The following ZRANB3 variants were observed in gnomAD, a reference collection of about 807,000 sequenced individuals.
ZRANB3 encodes DNA annealing helicase and endonuclease ZRANB3.
In ZRANB3, 125 loss-of-function variants were observed where a neutral mutation model predicts 133.8. That is an observed-to-expected ratio of 0.93 (90% CI 0.81 to 1.08). The LOEUF (loss-of-function observed/expected upper bound fraction) is 1.08, where lower values mean the gene tolerates loss of function less well. Ranked by LOEUF, ZRANB3 falls within the 50% of genes least tolerant of loss-of-function variation. The probability of loss-of-function intolerance (pLI) is 0.00; values close to 1 mark genes in which losing one functional copy is unlikely to be tolerated. For missense variants in ZRANB3, 1,229 were observed against 1,275.5 expected, an observed-to-expected ratio of 0.96 and a Z score of 0.56; for synonymous variants, 387 against 432.7, an observed-to-expected ratio of 0.89 and a Z score of 1.31.
chr2:135,237,817 G>A (rs946286394), intron 12 of ZRANB3, among the ~76,000 whole-genome samples: 1 of 152,116 alleles, frequency 6.6e-6, no homozygotes, highest in African/African-American at 2.4e-5. Context: ...GGGAGGGATA[G>A]CATTAGGAGA....
intron 3 of ZRANB3, among the ~76,000 whole-genome samples, chr2:135,377,928 T>C (rs553439457): frequency 6.6e-6 from 1 of 152,274 alleles, no homozygotes; most frequent in African/African-American, 2.4e-5. Flanking sequence ...GGCTAGAATA[T>C]AAGCAGGCAG....
intron 3 of ZRANB3, among the ~76,000 whole-genome samples, chr2:135,385,956 C>T (rs965474330): frequency 6.6e-6 from 1 of 152,054 alleles, no homozygotes; most frequent in Non-Finnish European, 1.5e-5. Flanking sequence ...ACTAAAACAC[C>T]AAAAGCAATG....
In ZRANB3 at chr2:135,299,360, C is replaced by T. The variant is rs567885287; in HGVS notation, c.966+14129G>A. ...CCAGTCTCACTCCCACTGTGCTCCACGGAAAGCACTGAGTTTACATCCAGG... is the reference window on the plus strand; with the variant it reads ...CCAGTCTCACTCCCACTGTGCTCCATGGAAAGCACTGAGTTTACATCCAGG... On this transcript the variant is annotated intron_variant, in intron 8 of 20. Coordinates refer to ENST00000264159, the MANE Select transcript of ZRANB3 (RefSeq NM_032143.4). Among the ~76,000 whole-genome samples the T allele has an allele frequency of 2.3e-4, 35 of 152,312 alleles. No homozygotes were observed. In the South Asian group the frequency reaches 5.8e-3, roughly 25 times the overall value.
chr2:135,317,551 C>A (rs914934814), intron 6 of ZRANB3, among the ~76,000 whole-genome samples: 1 of 152,200 alleles, frequency 6.6e-6, no homozygotes, highest in African/African-American at 2.4e-5. Context: ...AAAGACAACA[C>A]ACAATTGTCT....
chr2:135,233,482 A>G (rs985453762), intron 12 of ZRANB3, among the ~76,000 whole-genome samples: 1 of 152,112 alleles, frequency 6.6e-6, no homozygotes, highest in Non-Finnish European at 1.5e-5. Context: ...ACTCCAAGAC[A>G]TACAATCGTC....
intron 2 of ZRANB3, among the ~76,000 whole-genome samples, chr2:135,492,140 A>G (rs1195149776): frequency 6.6e-6 from 1 of 152,194 alleles, no homozygotes; most frequent in Non-Finnish European, 1.5e-5. Context: ...TGATCATATA[A>G]TAACATATTT....
chr2:135,233,555 T>A (rs1233038282), intron 12 of ZRANB3, among the ~76,000 whole-genome samples: 1 of 152,058 alleles, frequency 6.6e-6, no homozygotes, highest in Non-Finnish European at 1.5e-5. Flanking sequence ...AAGCTCGGGT[T>A]ACCCACAAAG....
At chr2:135,221,103 T>G (rs1164525981) in intron 15 of ZRANB3, among the ~76,000 whole-genome samples, 1 of 152,066 alleles carries the variant, frequency 6.6e-6, no homozygotes, top group Non-Finnish European at 1.5e-5. Context: ...GTGATCCGCC[T>G]GCCTCGGCCT....
At chr2:135,216,811 T>C (rs1012222642) in intron 17 of ZRANB3, among the ~76,000 whole-genome samples, 1 of 152,102 alleles carries the variant, frequency 6.6e-6, no homozygotes, top group Non-Finnish European at 1.5e-5. Flanking sequence ...CCTTGCTTCA[T>C]GCTAAGAAAA....
In ZRANB3 at chr2:135,269,755, G is replaced by T. The variant is rs111339746; in HGVS notation, c.1207-614C>A. 1.0e-3 allele frequency among the ~76,000 whole-genome samples: 154 copies of T among 152,184 alleles called. 1 individual carries two copies. The highest frequency in any genetic ancestry group is 3.6e-3 in the African/African-American group (149 of 41,524). Reference sequence around the variant, plus strand: ...CTTTATAATCAATATATGAAATAATGCAAAATCCTCAAACTAAAAAATGTG... The same window carrying T: ...CTTTATAATCAATATATGAAATAATTCAAAATCCTCAAACTAAAAAATGTG... On this transcript the variant is annotated intron_variant, in intron 10 of 20. Coordinates refer to ENST00000264159, the MANE Select transcript of ZRANB3 (RefSeq NM_032143.4).
chr2:135,521,796 C>T (rs540876386), intron 1 of ZRANB3, among the ~76,000 whole-genome samples: 2 of 152,086 alleles, frequency 1.3e-5, no homozygotes, highest in East Asian at 1.9e-4. Flanking sequence ...GTATGGTACA[C>T]CTTACTTAAA....
chr2:135,445,218 T>C (rs142546495), intron 2 of ZRANB3, among the ~76,000 whole-genome samples: 1,580 of 152,042 alleles, frequency 0.01, 25 homozygotes, highest in African/African-American at 0.036. Context: ...CTGAGGCAGA[T>C]GGATCACTTG....
chr2:135,445,494 C>T (rs538704622), intron 2 of ZRANB3, among the ~76,000 whole-genome samples: 3 of 151,942 alleles, frequency 2.0e-5, no homozygotes, highest in East Asian at 1.9e-4. Context: ...GTAATAAGAA[C>T]GATCAATAGA....
At chr2:135,452,920 C>T (rs932616301) in intron 2 of ZRANB3, among the ~76,000 whole-genome samples, 5 of 152,218 alleles carry the variant, frequency 3.3e-5, no homozygotes, top group Non-Finnish European at 7.3e-5. Flanking sequence ...TAGGCAGTGC[C>T]CCAGTAGGGA....
At chr2:135,529,666 G>A (rs1013139910) in intron 1 of ZRANB3, among the ~76,000 whole-genome samples, 2 of 151,680 alleles carry the variant, frequency 1.3e-5, no homozygotes, top group South Asian at 2.1e-4. Flanking sequence ...CTGCCACCAC[G>A]TCCGGCTAAT....
At chr2:135,322,050 C>T (rs1481052252) in intron 6 of ZRANB3, among the ~76,000 whole-genome samples, 1 of 152,134 alleles carries the variant, frequency 6.6e-6, no homozygotes, top group Non-Finnish European at 1.5e-5. Context: ...TTAAATTTTG[C>T]ATATTGTGTA....
chr2:135,381,346 G>C lies in ZRANB3; in HGVS notation c.180+9456C>G, dbSNP rs554257415. Among the ~76,000 whole-genome samples the C allele has an allele frequency of 8.1e-4, 124 of 152,276 alleles. 1 individual carries two copies. Among genetic ancestry groups the C allele is most frequent in the African/African-American group, 2.6e-3 (110 of 41,558 alleles). ...TGAGGCTTGAGTAGGTAAACAAAGC[G>C]GCCTGGAAGCTCGAACAGGGCGGAG... On this transcript the variant is annotated intron_variant, in intron 3 of 20. Coordinates refer to ENST00000264159, the MANE Select transcript of ZRANB3 (RefSeq NM_032143.4).
chr2:135,423,146 C>T (rs1408849023), intron 2 of ZRANB3, among the ~76,000 whole-genome samples: 3 of 152,118 alleles, frequency 2.0e-5, no homozygotes, highest in African/African-American at 7.2e-5. Context: ...TTAACTATCT[C>T]CCCTGGCCAG....
intron 2 of ZRANB3, among the ~76,000 whole-genome samples, chr2:135,432,900 C>G (rs149054737): frequency 3.9e-5 from 6 of 152,148 alleles, no homozygotes; most frequent in Non-Finnish European, 8.8e-5. Flanking sequence ...TCCCTTACCC[C>G]GACTTCAAAT....
Sources: gnomAD v4.1 joint callset for allele counts (sites outside exome capture counted in the v4.1 genomes callset) on GRCh38, gnomAD v4.1.1 for gene constraint, MANE v1.5 for transcripts, NCBI Gene and HGNC (gene_info 2026-07-23, HGNC 2026-07-21) for gene names.